Variants in TOX observed in about 807,000 individuals in gnomAD.
TOX encodes thymocyte selection associated high mobility group box.
In TOX, 11 loss-of-function variants were observed where a neutral mutation model predicts 53.7. That is an observed-to-expected ratio of 0.20 (90% CI 0.13 to 0.34). The LOEUF is 0.34. Ranked by LOEUF, TOX falls within the 10% of genes least tolerant of loss-of-function variation. The pLI, the probability that TOX is intolerant of heterozygous loss-of-function variation, is 1.00. For missense variants in TOX, 570 were observed against 664.6 expected (o/e 0.86, Z 1.56); for synonymous variants, 225 against 245.3 (o/e 0.92, Z 0.77).
intron 1 of TOX, among the ~76,000 whole-genome samples, chr8:59,036,290 T>C (rs1393769725): frequency 6.6e-6 from 1 of 152,130 alleles, no homozygotes; most frequent in Non-Finnish European, 1.5e-5. Flanking sequence ...GCATGAAGAA[T>C]AGCTGATCCC....
At chr8:58,880,093 G>C (rs1340774346) in intron 3 of TOX, among the ~76,000 whole-genome samples, 2 of 152,164 alleles carry the variant, frequency 1.3e-5, no homozygotes, top group Non-Finnish European at 2.9e-5. Context: ...AGCTTCCGTA[G>C]CTACTAATCT....
At chr8:59,023,671 G>A (rs1814181091) in intron 1 of TOX, among the ~76,000 whole-genome samples, 1 of 152,108 alleles carries the variant, frequency 6.6e-6, no homozygotes, top group Non-Finnish European at 1.5e-5. Context: ...CAACTTATTT[G>A]CTGTGTGAAA....
At chr8:58,982,271 C>T (rs1374183829) in intron 1 of TOX, among the ~76,000 whole-genome samples, 1 of 152,194 alleles carries the variant, frequency 6.6e-6, no homozygotes, top group Admixed American at 6.5e-5. Context: ...TATGCCCCCA[C>T]ACCCCTTTCC....
intron 1 of TOX, among the ~76,000 whole-genome samples, chr8:59,098,420 ACTT>A (rs1198851914): frequency 4.0e-5 from 6 of 151,196 alleles, no homozygotes; most frequent in Non-Finnish European, 7.4e-5. Context: ...TCAAGAATAA[ACTT>A]CTTTTTTTTT....
intron 3 of TOX, among the ~76,000 whole-genome samples, chr8:58,919,241 T>C (rs1303545182): frequency 1.6e-5 from 2 of 128,158 alleles, no homozygotes; most frequent in Non-Finnish European, 3.2e-5. Context: ...AGAGCCCGCA[T>C]CGCCAAGTCA....
intron 1 of TOX, among the ~76,000 whole-genome samples, chr8:59,070,144 C>T (rs910959982): frequency 2.6e-5 from 4 of 152,124 alleles, no homozygotes; most frequent in Non-Finnish European, 5.9e-5. Flanking sequence ...TGTGACAGCG[C>T]AGCTACTTCA....
At chr8:58,974,063 G>A (rs1032085060) in intron 1 of TOX, among the ~76,000 whole-genome samples, 6 of 152,170 alleles carry the variant, frequency 3.9e-5, no homozygotes, top group African/African-American at 1.2e-4. Flanking sequence ...CTCCCAAAGT[G>A]CTGTAATTAC....
intron 3 of TOX, among the ~76,000 whole-genome samples, chr8:58,877,863 A>T (rs906083119): frequency 5.1e-4 from 78 of 152,104 alleles, no homozygotes; most frequent in Admixed American, 1.2e-3. Context: ...CATATTAAAA[A>T]AAAAAAAAGC....
chr8:58,937,161 A>G (rs757407511), intron 3 of TOX, among the ~76,000 whole-genome samples: 3 of 152,160 alleles, frequency 2.0e-5, no homozygotes, highest in Non-Finnish European at 4.4e-5. Flanking sequence ...CTTGAGGGGT[A>G]CTGGGAAGGC....
In TOX at chr8:58,949,008, T is replaced by C. The variant is rs144785526; in HGVS notation, c.169-9464A>G. 3.4e-4 allele frequency among the ~76,000 whole-genome samples: 52 copies of C among 152,314 alleles called. No individual in the cohort carries two copies. In the East Asian group the frequency reaches 0.01, roughly 29 times the overall value. On this transcript the variant is annotated intron_variant, in intron 2 of 8. Transcript: ENST00000361421. ...TGAGCTTGGATTTTGGAGCTGGAAA[T>C]GCTGAATACAGATCTCAGCTCATCC...
At chr8:59,009,331 C>T (rs1813854879) in intron 1 of TOX, among the ~76,000 whole-genome samples, 1 of 150,440 alleles carries the variant, frequency 6.6e-6, no homozygotes, top group Admixed American at 6.6e-5. Flanking sequence ...TCTTTCCTTC[C>T]TTCCTTCCTT....
chr8:58,993,308 G>A (rs1428252354), intron 1 of TOX, among the ~76,000 whole-genome samples: 2 of 152,140 alleles, frequency 1.3e-5, no homozygotes, highest in Non-Finnish European at 2.9e-5. Context: ...TGGAAAGATG[G>A]GGGTGTATGG....
At chr8:58,975,987 G>A (rs539903366) in intron 1 of TOX, among the ~76,000 whole-genome samples, 3 of 152,116 alleles carry the variant, frequency 2.0e-5, no homozygotes, top group South Asian at 2.1e-4. Context: ...CAAGAGAATC[G>A]CTTGAACCTG....
intron 2 of TOX, among the ~76,000 whole-genome samples, chr8:58,950,276 T>C (rs1812599705): frequency 1.3e-5 from 2 of 152,184 alleles, no homozygotes; most frequent in African/African-American, 4.8e-5. Context: ...TGTACGTGTC[T>C]ATTTATGGCC....
intron 1 of TOX, among the ~76,000 whole-genome samples, chr8:58,994,583 G>A (rs982011397): frequency 1.3e-5 from 2 of 152,056 alleles, no homozygotes; most frequent in African/African-American, 4.8e-5. Flanking sequence ...AATGGCAGAA[G>A]TTCTATGACA....
rs1390618799 is a variant in TOX at position 58,881,055 on chromosome 8, G to T, written c.412-29250C>A. Among the ~76,000 whole-genome samples, 4 of 152,154 alleles carry T rather than the reference G, an allele frequency of 2.6e-5. No homozygotes were observed. The South Asian group carries it at 8.3e-4, about 32-fold the overall frequency. ...GAGGACTCCCACAGGGGCCTCCCCT[G>T]TGTGGGAGGAGGTGGGGGGTGAGCG... On this transcript the variant is annotated intron_variant, in intron 3 of 8. Coordinates refer to ENST00000361421, the MANE Select transcript of TOX (RefSeq NM_014729.3).
rs1563451752 is a variant in TOX at position 59,117,242 on chromosome 8, G to C, written c.102+1644C>G. Among the ~76,000 whole-genome samples the C allele has an allele frequency of 6.6e-6, 1 of 152,138 alleles. No individual in the cohort carries two copies. Among genetic ancestry groups the C allele is most frequent in the Non-Finnish European group, 1.5e-5 (1 of 68,020 alleles). On this transcript the variant is annotated intron_variant, in intron 1 of 8. Transcript: ENST00000361421. This position sits in a 1 kb window ranked among gnomAD's most constrained non-coding sequence, Gnocchi z 4.6. ...ATTGGTGTCATAAGCAAAATAAAAC[G>C]TAACACAATACTTGAGTGTACAGAC...
At chr8:58,961,601 C>T (rs1812798583) in intron 1 of TOX, among the ~76,000 whole-genome samples, 1 of 151,822 alleles carries the variant, frequency 6.6e-6, no homozygotes, top group Non-Finnish European at 1.5e-5. Context: ...GATCGCAGCT[C>T]ACTGCAATCT....
chr8:58,847,620 A>C (rs1313815094), intron 4 of TOX, among the ~76,000 whole-genome samples: 2 of 152,072 alleles, frequency 1.3e-5, no homozygotes, highest in African/African-American at 4.8e-5. Flanking sequence ...ATCTGAAAAA[A>C]ATAAGGAATG....
Sources: allele counts gnomAD v4.1 joint callset (sites outside exome capture counted in the v4.1 genomes callset), GRCh38; gene constraint gnomAD v4.1.1; non-coding constraint Gnocchi (gnomAD v3.1); transcripts MANE v1.5; gene names NCBI Gene and HGNC (gene_info 2026-07-23, HGNC 2026-07-21).